The following PDE4D variants were observed in gnomAD, a reference collection of about 807,000 sequenced individuals.
PDE4D encodes phosphodiesterase 4D, also known as 3',5'-cyclic-AMP phosphodiesterase 4D.
A neutral mutation model predicts 87.4 loss-of-function variants in PDE4D; 24 were observed. That is an observed-to-expected ratio of 0.27 (90% confidence interval 0.20 to 0.39). The LOEUF (loss-of-function observed/expected upper bound fraction) is 0.39. Among genes scored for constraint, PDE4D ranks in the 10% least tolerant of loss-of-function variants. The pLI is 1.00. For missense variants in PDE4D, 714 were observed against 1,041.0 expected, an observed-to-expected ratio of 0.69 and a Z score of 4.32; for synonymous variants, 384 against 383.2, an observed-to-expected ratio of 1.00 and a Z score of -0.02.
chr5:60,101,854 C>G (rs1052912482), intron 2 of PDE4D, among the ~76,000 whole-genome samples: 1 of 152,034 alleles, frequency 6.6e-6, no homozygotes, highest in Non-Finnish European at 1.5e-5. Flanking sequence ...TTTAATTTTC[C>G]TTTATTATTA....
intron 1 of PDE4D, among the ~76,000 whole-genome samples, chr5:60,468,204 T>C (rs1444599137): frequency 2.7e-5 from 4 of 150,454 alleles, no homozygotes; most frequent in Non-Finnish European, 5.9e-5. Context: ...AATGGTATGA[T>C]TTCTGCTTAC....
intron 1 of PDE4D, among the ~76,000 whole-genome samples, chr5:59,227,233 G>T (rs1270071054): frequency 1.3e-5 from 2 of 152,074 alleles, no homozygotes; most frequent in African/African-American, 2.4e-5. Context: ...TTAACAAAGT[G>T]GGGCTCAAGA....
Position 59,768,234 on chromosome 5 carries a change from G to A in PDE4D, c.455+124934C>T, listed in dbSNP as rs773043980. On this transcript the variant is annotated intron_variant, in intron 1 of 14. Transcript: ENST00000340635. ...AACGGCCACCATTTCTGCGAGGTCT[G>A]CGCAAACCTTACCATGTATGTGCCA... is the stretch of plus-strand genomic sequence containing the variant. 12 of 1,597,840 alleles carry A rather than the reference G, an allele frequency of 7.5e-6. No individual in the cohort carries two copies. The East Asian group carries it at 2.2e-4, about 30-fold the overall frequency.
At chr5:59,485,211 A>T (rs1305110883) in intron 1 of PDE4D, among the ~76,000 whole-genome samples, 1 of 152,200 alleles carries the variant, frequency 6.6e-6, no homozygotes, top group Non-Finnish European at 1.5e-5. Context: ...AGGAACAGAT[A>T]AAAAGATGAT....
chr5:59,121,999 G>A (rs924098711), intron 5 of PDE4D, among the ~76,000 whole-genome samples: 8 of 151,790 alleles, frequency 5.3e-5, no homozygotes, highest in East Asian at 1.9e-4. Context: ...AAAATTAGCC[G>A]GGCATGGTGG....
chr5:60,475,469 C>T (rs1478843926), intron 1 of PDE4D, among the ~76,000 whole-genome samples: 2 of 152,072 alleles, frequency 1.3e-5, no homozygotes, highest in Non-Finnish European at 2.9e-5. Flanking sequence ...GGGAAACCTG[C>T]ACTTAGGGGA....
chr5:59,090,546 C>T (rs1173026995), intron 5 of PDE4D, among the ~76,000 whole-genome samples: 1 of 152,056 alleles, frequency 6.6e-6, no homozygotes, highest in East Asian at 1.9e-4. Flanking sequence ...CATACACAGA[C>T]ATACTGGCAT....
rs377539452 is a variant in PDE4D at position 59,981,252 on chromosome 5, AAAAACAAAAC to A, written c.272+7226_272+7235del. On this transcript the variant is annotated intron_variant, in intron 3 of 16. Coordinates refer to the PDE4D transcript ENST00000502484. Reference sequence around the variant, plus strand: ...GGGTGACACAGCAAGACTCCGTTTCAAAAACAAAACAAAACAAAACAAAACAAAAATAATC... The same window carrying A: ...GGGTGACACAGCAAGACTCCGTTTCAAAAACAAAACAAAACAAAAATAATC... 2.0e-3 allele frequency among the ~76,000 whole-genome samples: 305 copies of A among 152,230 alleles called. 5 individuals carry two copies. The highest frequency in any genetic ancestry group is 3.9e-3 in the East Asian group (20 of 5,186).
intron 1 of PDE4D, among the ~76,000 whole-genome samples, chr5:59,862,048 C>T (rs962443561): frequency 6.6e-6 from 1 of 152,168 alleles, no homozygotes; most frequent in Non-Finnish European, 1.5e-5. Context: ...TCTCTTCTCA[C>T]TGCCCAGGGG....
intron 1 of PDE4D, among the ~76,000 whole-genome samples, chr5:59,611,184 C>T (rs116028953): frequency 6.6e-6 from 1 of 152,150 alleles, no homozygotes; most frequent in African/African-American, 2.4e-5. Context: ...AAGGCATCAG[C>T]AGATTGGATA....
intron 1 of PDE4D, among the ~76,000 whole-genome samples, chr5:60,423,421 G>A (rs1743322378): frequency 6.6e-6 from 1 of 152,152 alleles, no homozygotes; most frequent in African/African-American, 2.4e-5. Context: ...AATGGAAACT[G>A]AACAACCTAC....
intron 5 of PDE4D, among the ~76,000 whole-genome samples, chr5:59,070,067 T>A (rs1048545469): frequency 6.6e-6 from 1 of 152,186 alleles, no homozygotes; most frequent in Admixed American, 6.5e-5. Context: ...TATTGCCAGA[T>A]AGTTTTTGAG....
intron 1 of PDE4D, among the ~76,000 whole-genome samples, chr5:59,616,714 G>T (rs1281358249): frequency 2.0e-5 from 3 of 151,496 alleles, no homozygotes; most frequent in Non-Finnish European, 4.4e-5. Flanking sequence ...TACTCTAGCA[G>T]GTTTCAAATA....
intron 2 of PDE4D, among the ~76,000 whole-genome samples, chr5:60,070,773 G>A (rs935622640): frequency 3.3e-5 from 5 of 151,950 alleles, no homozygotes; most frequent in Admixed American, 6.6e-5. Flanking sequence ...TTCTTTAAAC[G>A]TTTGTTAGAA....
intron 1 of PDE4D, among the ~76,000 whole-genome samples, chr5:60,379,231 C>A (rs1003710892): frequency 1.3e-5 from 2 of 151,662 alleles, no homozygotes; most frequent in Non-Finnish European, 2.9e-5. Context: ...CCAAAGAAGT[C>A]GTTTTGGCTA....
intron 1 of PDE4D, among the ~76,000 whole-genome samples, chr5:60,505,579 G>A (rs1229576460): frequency 1.3e-5 from 2 of 152,158 alleles, no homozygotes; most frequent in East Asian, 1.9e-4. Flanking sequence ...TTCATCATAG[G>A]TTTGATTTAG....
chr5:59,247,354 A>C (rs1441013282), intron 1 of PDE4D, among the ~76,000 whole-genome samples: 2 of 152,154 alleles, frequency 1.3e-5, no homozygotes, highest in African/African-American at 4.8e-5. Context: ...GGCACCATTT[A>C]ATGCATAGGA....
At chr5:59,547,956 C>G (rs1817547578) in intron 1 of PDE4D, among the ~76,000 whole-genome samples, 3 of 152,162 alleles carry the variant, frequency 2.0e-5, no homozygotes, top group Admixed American at 1.3e-4. Flanking sequence ...TCTCATGTCA[C>G]AAGAATTACT....
At chr5:59,282,769 G>A (rs1163274286) in intron 1 of PDE4D, among the ~76,000 whole-genome samples, 1 of 150,958 alleles carries the variant, frequency 6.6e-6, no homozygotes, top group Admixed American at 6.6e-5. Flanking sequence ...TGTTTTATTA[G>A]AAAGTAAACT....
Sources: allele counts gnomAD v4.1 joint callset (sites outside exome capture counted in the v4.1 genomes callset), GRCh38; gene constraint gnomAD v4.1.1; transcripts MANE v1.5; gene names NCBI Gene and HGNC (gene_info 2026-07-23, HGNC 2026-07-21).